The following LSAMP variants were observed in gnomAD, a reference collection of about 807,000 sequenced individuals.
LSAMP encodes the protein limbic system-associated membrane protein.
Under a neutral mutation model 38.6 loss-of-function variants are expected in LSAMP, and 7 were observed. The ratio of observed to expected loss-of-function variants is 0.18; its 90% CI spans 0.10 to 0.34. LSAMP has a LOEUF of 0.34. LSAMP is among the 10% of genes least tolerant of loss of function. The pLI is 1.00. For synonymous variants in LSAMP, 154 were observed against 166.8 expected (o/e 0.92, Z 0.59); for missense variants, 313 against 420.0 (o/e 0.75, Z 2.23).
At chr3:115,854,057 T>C (rs6762870) in intron 3 of LSAMP, among the ~76,000 whole-genome samples, 2,161 of 151,996 alleles carry the variant, frequency 0.014, 45 homozygotes, top group African/African-American at 0.049. Flanking sequence ...AACACAACTC[T>C]CTGGATATTC....
chr3:116,114,286 C>A (rs535201884), intron 1 of LSAMP, among the ~76,000 whole-genome samples: 1 of 152,228 alleles, frequency 6.6e-6, no homozygotes, highest in South Asian at 2.1e-4. Context: ...CTGGTGCCTT[C>A]GGTTTTTCAC....
chr3:116,071,262 G>A (rs1284202828), intron 2 of LSAMP, among the ~76,000 whole-genome samples: 1 of 150,330 alleles, frequency 6.7e-6, no homozygotes, highest in African/African-American at 2.4e-5. Flanking sequence ...TATAAAAGGG[G>A]GAAAAGGGCA....
intron 1 of LSAMP, among the ~76,000 whole-genome samples, chr3:116,240,925 C>T (rs1278611133): frequency 6.6e-6 from 1 of 152,142 alleles, no homozygotes; most frequent in Admixed American, 6.5e-5. Flanking sequence ...CCTGTAATCC[C>T]AGCACTTTGG....
intron 3 of LSAMP, among the ~76,000 whole-genome samples, chr3:116,006,615 T>A (rs958033400): frequency 2.0e-5 from 3 of 152,164 alleles, no homozygotes; most frequent in African/African-American, 4.8e-5. Flanking sequence ...AATCCATCCA[T>A]CCATCTTCAC....
At chr3:116,158,100 C>CA (rs1709798482) in intron 1 of LSAMP, among the ~76,000 whole-genome samples, 1 of 151,712 alleles carries the variant, frequency 6.6e-6, no homozygotes, top group Admixed American at 6.6e-5. Context: ...ACGAAAACAA[C>CA]AAAAAAGAGA....
At chr3:116,337,407 A>G (rs944687320) in intron 1 of LSAMP, among the ~76,000 whole-genome samples, 11 of 152,058 alleles carry the variant, frequency 7.2e-5, no homozygotes, top group African/African-American at 2.7e-4. Context: ...TTAGAATGTT[A>G]CACAGCCTCC....
intron 1 of LSAMP, among the ~76,000 whole-genome samples, chr3:116,245,667 A>G (rs943933169): frequency 6.6e-6 from 1 of 152,196 alleles, no homozygotes; most frequent in African/African-American, 2.4e-5. Flanking sequence ...ATTATAAATT[A>G]TTTTTAAAAA....
chr3:115,970,585 C>T (rs1373315879), intron 3 of LSAMP, among the ~76,000 whole-genome samples: 1 of 152,114 alleles, frequency 6.6e-6, no homozygotes, highest in Non-Finnish European at 1.5e-5. Flanking sequence ...GACATTTGTG[C>T]TAATGAGGTA....
At chr3:116,022,380 A>G (rs1940664028) in intron 2 of LSAMP, among the ~76,000 whole-genome samples, 1 of 152,006 alleles carries the variant, frequency 6.6e-6, no homozygotes, top group Non-Finnish European at 1.5e-5. Flanking sequence ...TCTACACCAC[A>G]TCGTCATTTC....
intron 1 of LSAMP, among the ~76,000 whole-genome samples, chr3:116,163,841 C>T (rs965188848): frequency 1.3e-5 from 2 of 151,934 alleles, no homozygotes; most frequent in African/African-American, 4.8e-5. Context: ...ATCTGGATTT[C>T]CTTCATTTTT....
At chr3:116,326,903 C>A (rs1278844737) in intron 1 of LSAMP, among the ~76,000 whole-genome samples, 1 of 152,006 alleles carries the variant, frequency 6.6e-6, no homozygotes, top group East Asian at 1.9e-4. Context: ...GAAAATCAAG[C>A]AGCACAAAGC....
chr3:115,934,544 T>C (rs1157590438), intron 3 of LSAMP, among the ~76,000 whole-genome samples: 4 of 152,208 alleles, frequency 2.6e-5, no homozygotes, highest in Non-Finnish European at 5.9e-5. Context: ...AATACATATA[T>C]ACTATATTTT....
chr3:115,848,823 G>A lies in LSAMP; in HGVS notation c.649+3660C>T, dbSNP rs372054862. On this transcript the variant is annotated intron_variant, in intron 4 of 6. Coordinates refer to ENST00000490035, the MANE Select transcript of LSAMP (RefSeq NM_002338.5). ...GGGAATGTCAGCTGTTCAATGGGGC[G>A]GGGACAGGCTTGAGAGCTGGGAGCA... 7.2e-5 allele frequency among the ~76,000 whole-genome samples: 11 copies of A among 152,314 alleles called. No homozygotes were observed. The South Asian group carries it at 8.3e-4, about 11-fold the overall frequency.
chr3:116,337,191 T>C (rs2047931091), intron 1 of LSAMP, among the ~76,000 whole-genome samples: 1 of 151,912 alleles, frequency 6.6e-6, no homozygotes, highest in Admixed American at 6.6e-5. Context: ...AGTTATTGTT[T>C]ATTGAGTATT....
At chr3:115,854,276 A>AT (rs1272758193) in intron 3 of LSAMP, among the ~76,000 whole-genome samples, 2,820 of 119,062 alleles carry the variant, frequency 0.024, 124 homozygotes, top group Non-Finnish European at 0.035. Flanking sequence ...TATTATTATT[A>AT]TTATTATTTT....
rs922355332 is a variant in LSAMP, at chr3:116,385,680, G to A, written c.155+59197C>T. On this transcript the variant is annotated intron_variant, in intron 1 of 6. Coordinates refer to ENST00000490035, the MANE Select transcript of LSAMP (RefSeq NM_002338.5). ...CTTGTAAGTCACCCTGTATTTTATT[G>A]GAATGTCTTTCCTTAATAGGTCTGC... Among the ~76,000 whole-genome samples the A allele has an allele frequency of 8.6e-5, 13 of 151,982 alleles. 1 individual carries two copies. Among genetic ancestry groups the A allele is most frequent in the African/African-American group, 3.1e-4 (13 of 41,354 alleles).
At chr3:116,404,046 T>C (rs1032442047) in intron 1 of LSAMP, among the ~76,000 whole-genome samples, 1 of 152,082 alleles carries the variant, frequency 6.6e-6, no homozygotes, top group South Asian at 2.1e-4. Context: ...GAATTTTTTA[T>C]ATGTTAAAAT....
chr3:116,296,756 C>G (rs2107700723), intron 1 of LSAMP, among the ~76,000 whole-genome samples: 1 of 147,464 alleles, frequency 6.8e-6, no homozygotes, highest in South Asian at 2.2e-4. Context: ...GGCTCTACTC[C>G]TATGGGTAAT....
rs141186612 is a variant in LSAMP, at chr3:116,298,649, G to A, written c.155+146228C>T. ...TAGAATTGTTTCCTTATCTATCAAA[G>A]TATGTTATATATGTTTTGAGAACTA... On this transcript the variant is annotated intron_variant, in intron 1 of 6. Coordinates refer to ENST00000490035, the MANE Select transcript of LSAMP (RefSeq NM_002338.5). 3.9e-5 allele frequency among the ~76,000 whole-genome samples: 6 copies of A among 152,274 alleles called. No homozygotes were observed. In the East Asian group the frequency reaches 7.7e-4, roughly 20 times the overall value.
Sources: allele counts gnomAD v4.1 joint callset (sites outside exome capture counted in the v4.1 genomes callset), GRCh38; gene constraint gnomAD v4.1.1; transcripts MANE v1.5; gene names NCBI Gene and HGNC (gene_info 2026-07-23, HGNC 2026-07-21).